The following ELMO1 variants were observed in gnomAD, a reference collection of about 807,000 sequenced individuals.
ELMO1 encodes engulfment and cell motility 1.
Under a neutral mutation model 98.9 loss-of-function variants are expected in ELMO1, and 26 were observed. The ratio of observed to expected loss-of-function variants is 0.26; its 90% CI spans 0.19 to 0.36. The LOEUF (loss-of-function observed/expected upper bound fraction) is 0.36, where lower values mean the gene tolerates loss of function less well. Among genes scored for constraint, ELMO1 ranks in the 10% least tolerant of loss-of-function variants. The pLI, the probability that ELMO1 is intolerant of heterozygous loss-of-function variation, is 1.00. For synonymous variants in ELMO1, 346 were observed against 346.0 expected (o/e 1.00, Z 0.00); for missense variants, 627 against 935.2 (o/e 0.67, Z 4.30).
At chr7:37,294,132 C>T (rs2724006) in intron 4 of ELMO1, among the ~76,000 whole-genome samples, 53,105 of 151,968 alleles carry the variant, frequency 0.35, 10,410 homozygotes, top group Middle Eastern at 0.54. Context: ...ACTATGTTTA[C>T]GTTGACTTCA....
chr7:37,079,412 G>C (rs925126727), intron 15 of ELMO1, among the ~76,000 whole-genome samples: 1 of 152,182 alleles, frequency 6.6e-6, no homozygotes, highest in African/African-American at 2.4e-5. Flanking sequence ...ACTAGAAAAA[G>C]GATCATGGGC....
chr7:37,050,340 C>T (rs1006875778), intron 15 of ELMO1, among the ~76,000 whole-genome samples: 1 of 152,006 alleles, frequency 6.6e-6, no homozygotes, highest in Non-Finnish European at 1.5e-5. Context: ...TCCCCAAGTA[C>T]TGGGATTCCT....
chr7:36,938,829 G>A (rs1005855124), intron 16 of ELMO1, among the ~76,000 whole-genome samples: 4 of 152,058 alleles, frequency 2.6e-5, no homozygotes, highest in African/African-American at 9.7e-5. Context: ...TGTCTATTTT[G>A]TTCAGTGACG....
chr7:37,422,249 C>T lies in ELMO1; in HGVS notation c.-74+26426G>A, dbSNP rs117892122. On this transcript the variant is annotated intron_variant, in intron 1 of 21. Coordinates refer to ENST00000310758, the MANE Select transcript of ELMO1 (RefSeq NM_014800.11). ...TGACTACCCATTATATGCATAGCAT[C>T]GAGGAATAAATTCAATGGGGAAATG... is the stretch of plus-strand genomic sequence containing the variant. Among the ~76,000 whole-genome samples, 153 of 152,322 alleles carry T rather than the reference C, an allele frequency of 1.0e-3. 2 individuals carry two copies. In the East Asian group the frequency reaches 0.025, roughly 25 times the overall value.
chr7:36,869,410 G>A (rs1803326822), intron 20 of ELMO1, among the ~76,000 whole-genome samples: 1 of 152,148 alleles, frequency 6.6e-6, no homozygotes, highest in African/African-American at 2.4e-5. Context: ...CAAAGAACTG[G>A]ATTCCCTGTC....
At chr7:37,351,997 G>A (rs1801291864) in intron 1 of ELMO1, among the ~76,000 whole-genome samples, 1 of 152,160 alleles carries the variant, frequency 6.6e-6, no homozygotes, top group South Asian at 2.1e-4. Context: ...CCGCTTCTCT[G>A]AGTTATTTAT....
At chr7:37,058,799 G>A (rs1023215254) in intron 15 of ELMO1, among the ~76,000 whole-genome samples, 2 of 152,120 alleles carry the variant, frequency 1.3e-5, no homozygotes, top group African/African-American at 4.8e-5. Context: ...CTTGGTTAAA[G>A]GACTCCTCAA....
chr7:37,177,402 G>T (rs1341386781), intron 13 of ELMO1, among the ~76,000 whole-genome samples: 1 of 152,198 alleles, frequency 6.6e-6, no homozygotes, highest in Admixed American at 6.5e-5. Flanking sequence ...AAACTTCAGA[G>T]CTAATTAAAT....
At chr7:37,217,562 G>A in intron 10 of ELMO1, 1 of 384,776 alleles carries the variant, frequency 2.6e-6, no homozygotes, top group South Asian at 1.9e-5. Flanking sequence ...TTTCTACTAA[G>A]GTTAAAACAA....
chr7:37,142,742 CAT>C (rs1349300030), intron 13 of ELMO1, among the ~76,000 whole-genome samples: 1 of 152,200 alleles, frequency 6.6e-6, no homozygotes, highest in East Asian at 1.9e-4. Flanking sequence ...AAGAGAAACA[CAT>C]GATACTTAGT....
chr7:36,944,730 A>G (rs1787335427), intron 16 of ELMO1, among the ~76,000 whole-genome samples: 1 of 152,224 alleles, frequency 6.6e-6, no homozygotes, highest in African/African-American at 2.4e-5. Context: ...ATTGGGAAGC[A>G]CAATGGAGTG....
chr7:37,238,385 T>C (rs1341382749), intron 7 of ELMO1, among the ~76,000 whole-genome samples: 2 of 152,228 alleles, frequency 1.3e-5, no homozygotes, highest in African/African-American at 4.8e-5. Flanking sequence ...AATATAAAAA[T>C]TCATTTTTAT....
intron 15 of ELMO1, among the ~76,000 whole-genome samples, chr7:37,069,637 T>A (rs1430884027): frequency 1.3e-5 from 2 of 152,240 alleles, no homozygotes; most frequent in Non-Finnish European, 2.9e-5. Context: ...ATTTATTTCA[T>A]AACAAGCACT....
intron 16 of ELMO1, among the ~76,000 whole-genome samples, chr7:36,996,198 G>A (rs1368568638): frequency 6.6e-6 from 1 of 151,926 alleles, no homozygotes; most frequent in Non-Finnish European, 1.5e-5. Flanking sequence ...AAAAGAAATC[G>A]CCACTAGAAG....
intron 14 of ELMO1, among the ~76,000 whole-genome samples, chr7:37,124,598 G>C (rs370339055): frequency 6.6e-6 from 1 of 152,066 alleles, no homozygotes; most frequent in Non-Finnish European, 1.5e-5. Flanking sequence ...GGACCTCTTC[G>C]AGGAGAACAA....
chr7:37,301,671 A>G (rs935488614), intron 4 of ELMO1, among the ~76,000 whole-genome samples: 3 of 152,106 alleles, frequency 2.0e-5, no homozygotes, highest in African/African-American at 7.2e-5. Context: ...CAAAGCAGTC[A>G]CTTTTATTTT....
intron 17 of ELMO1, among the ~76,000 whole-genome samples, chr7:36,892,083 C>T (rs1336339965): frequency 1.3e-5 from 2 of 152,022 alleles, no homozygotes; most frequent in East Asian, 3.9e-4. Flanking sequence ...ATATATATTC[C>T]CCCAAAATAT....
intron 15 of ELMO1, among the ~76,000 whole-genome samples, chr7:37,081,007 T>A (rs1446490342): frequency 6.6e-6 from 1 of 152,142 alleles, no homozygotes; most frequent in Non-Finnish European, 1.5e-5. Flanking sequence ...TTTCTCCATT[T>A]TTCACCATAT....
Position 37,337,705 on chromosome 7 carries a change from G to A in ELMO1, c.78+4908C>T, listed in dbSNP as rs533006348. 9.2e-5 allele frequency among the ~76,000 whole-genome samples: 14 copies of A among 152,252 alleles called. No homozygotes were observed. The East Asian group carries it at 1.9e-3, about 21-fold the overall frequency. Reference sequence around the variant, plus strand: ...GTGATGCCATGCAAATATGTAGGCCGAGAAGTTCTAGGCAAAGACAGAAGT... The same window carrying A: ...GTGATGCCATGCAAATATGTAGGCCAAGAAGTTCTAGGCAAAGACAGAAGT... On this transcript the variant is annotated intron_variant, in intron 2 of 21. Transcript: ENST00000310758.
Sources: gnomAD v4.1 joint callset for allele counts (sites outside exome capture counted in the v4.1 genomes callset) on GRCh38, gnomAD v4.1.1 for gene constraint, MANE v1.5 for transcripts, NCBI Gene and HGNC (gene_info 2026-07-23, HGNC 2026-07-21) for gene names.